CALN1: variants seen among roughly 807,000 people sequenced by gnomAD.
The protein encoded by CALN1 is calcium-binding protein 8.
In CALN1, 17 loss-of-function variants were observed where a neutral mutation model predicts 30.6. That is an observed-to-expected ratio of 0.56 (90% confidence interval 0.38 to 0.83). The LOEUF (loss-of-function observed/expected upper bound fraction) is 0.83, where lower values mean the gene tolerates loss of function less well. Ranked by LOEUF, CALN1 falls within the 40% of genes least tolerant of loss-of-function variation. The probability of loss-of-function intolerance (pLI) is 0.00; values close to 1 mark genes in which losing one functional copy is unlikely to be tolerated. For synonymous variants in CALN1, 156 were observed against 131.4 expected, an observed-to-expected ratio of 1.19 and a Z score of -1.28; for missense variants, 291 against 354.9, an observed-to-expected ratio of 0.82 and a Z score of 1.45.
intron 2 of CALN1, among the ~76,000 whole-genome samples, chr7:72,339,735 T>G (rs1802294690): frequency 6.6e-6 from 1 of 152,120 alleles, no homozygotes; most frequent in Non-Finnish European, 1.5e-5. Flanking sequence ...CAAAGGCACA[T>G]CTTACATGGC....
chr7:72,402,726 A>G (rs912327075), intron 2 of CALN1, among the ~76,000 whole-genome samples: 3 of 152,212 alleles, frequency 2.0e-5, no homozygotes, highest in Non-Finnish European at 2.9e-5. Flanking sequence ...GACCAGAGAC[A>G]GACAGGGTAG....
intron 5 of CALN1, among the ~76,000 whole-genome samples, chr7:71,829,651 C>T (rs1265654442): frequency 6.6e-6 from 1 of 152,136 alleles, no homozygotes; most frequent in Non-Finnish European, 1.5e-5. Flanking sequence ...TTGCCTGGGT[C>T]GGGCCCTGAG....
chr7:72,382,746 T>C (rs1168489770), intron 2 of CALN1, among the ~76,000 whole-genome samples: 1 of 152,158 alleles, frequency 6.6e-6, no homozygotes, highest in Non-Finnish European at 1.5e-5. Context: ...TAGTTCAACC[T>C]AGCATGATAG....
chr7:72,387,626 G>A (rs1805315167), intron 2 of CALN1, among the ~76,000 whole-genome samples: 1 of 152,140 alleles, frequency 6.6e-6, no homozygotes, highest in Non-Finnish European at 1.5e-5. Context: ...GTCTAATCAT[G>A]AGAAAACCGT....
intron 3 of CALN1, among the ~76,000 whole-genome samples, chr7:72,134,547 AGT>A (rs1394149448): frequency 9.2e-5 from 14 of 152,342 alleles, no homozygotes; most frequent in African/African-American, 3.4e-4. Context: ...TTGTCTATTA[AGT>A]GTGCAGTAGC....
intron 3 of CALN1, among the ~76,000 whole-genome samples, chr7:72,170,606 A>G (rs889030131): frequency 8.5e-5 from 13 of 152,238 alleles, no homozygotes; most frequent in African/African-American, 3.1e-4. Flanking sequence ...AGGCACGCAC[A>G]TAAAGAGAGT....
intron 3 of CALN1, among the ~76,000 whole-genome samples, chr7:72,182,195 C>A (rs1009354459): frequency 3.9e-5 from 6 of 152,060 alleles, no homozygotes; most frequent in African/African-American, 1.4e-4. Flanking sequence ...AGGGAGCAGA[C>A]GCAGCTGGAT....
At chr7:72,187,665 G>A (rs1480929050) in intron 3 of CALN1, among the ~76,000 whole-genome samples, 1 of 152,162 alleles carries the variant, frequency 6.6e-6, no homozygotes, top group Non-Finnish European at 1.5e-5. Flanking sequence ...CTGCCAAAAG[G>A]GTTGGAGACT....
intron 3 of CALN1, among the ~76,000 whole-genome samples, chr7:72,225,159 C>T (rs1326949382): frequency 6.6e-6 from 1 of 151,854 alleles, no homozygotes; most frequent in Non-Finnish European, 1.5e-5. Context: ...CTCATAGGCC[C>T]AATGTGGTGC....
In CALN1 at chr7:71,949,037, T is replaced by G. The variant is rs567187228; in HGVS notation, c.501+74620A>C. Among the ~76,000 whole-genome samples, 12 of 107,514 alleles carry G rather than the reference T, an allele frequency of 1.1e-4. No homozygotes were observed. The South Asian group carries it at 4.6e-3, about 41-fold the overall frequency. The allele number at this position is 107,514 out of a possible 152,430, so 70.5% of individuals were successfully genotyped here. A position where few individuals can be genotyped will look rare whatever the true frequency, so the allele number is the denominator to read the frequency against. Reference sequence around the variant, plus strand: ...CAGCCTGAGTCACACAGCAAGACTCTGTCTCTTAAAAAAAAAAAAAAAAAA... The same window carrying G: ...CAGCCTGAGTCACACAGCAAGACTCGGTCTCTTAAAAAAAAAAAAAAAAAA... On this transcript the variant is annotated intron_variant, in intron 5 of 6. Transcript: ENST00000395275.
chr7:71,813,478 T>G (rs1016208219), intron 5 of CALN1, among the ~76,000 whole-genome samples: 2 of 152,240 alleles, frequency 1.3e-5, no homozygotes, highest in African/African-American at 4.8e-5. Flanking sequence ...AGCCTGTTAT[T>G]AAGTTTAGAG....
intron 3 of CALN1, among the ~76,000 whole-genome samples, chr7:72,251,919 TCAC>T (rs367894736): frequency 6.6e-6 from 1 of 152,262 alleles, no homozygotes; most frequent in African/African-American, 2.4e-5. Flanking sequence ...TACACACATC[TCAC>T]AATAGGAAGT....
At chr7:72,156,189 C>T (rs1787665399) in intron 3 of CALN1, among the ~76,000 whole-genome samples, 2 of 152,056 alleles carry the variant, frequency 1.3e-5, no homozygotes, top group African/African-American at 4.8e-5. Flanking sequence ...CCTGGAAGGC[C>T]ATCAGGGTCC....
intron 3 of CALN1, among the ~76,000 whole-genome samples, chr7:72,122,700 T>C (rs923715985): frequency 6.6e-6 from 1 of 152,188 alleles, no homozygotes; most frequent in Admixed American, 6.5e-5. Flanking sequence ...CACTCCAGCC[T>C]GGATGACAGA....
Position 71,824,434 on chromosome 7 carries a change from CA to C in CALN1, c.502-13943del, listed in dbSNP as rs367672547. Among the ~76,000 whole-genome samples the C allele has an allele frequency of 2.7e-4, 41 of 152,182 alleles. 1 individual carries two copies. In the South Asian group the frequency reaches 8.3e-3, roughly 31 times the overall value. On this transcript the variant is annotated intron_variant, in intron 5 of 6. Transcript: ENST00000395275. ...TGTTTTCCTGCTGTGAAAGGAACCT[CA>C]GGGGTGCCTGAGTCCCCAGTGAAGT...
intron 5 of CALN1, among the ~76,000 whole-genome samples, chr7:71,891,199 G>A (rs564249799): frequency 6.6e-6 from 1 of 151,884 alleles, no homozygotes; most frequent in Non-Finnish European, 1.5e-5. Context: ...AGTTTGTTTC[G>A]ATTTTTATTG....
intron 2 of CALN1, among the ~76,000 whole-genome samples, chr7:72,289,356 T>C (rs2129554754): frequency 6.6e-6 from 1 of 152,344 alleles, no homozygotes. Context: ...GGGAGGCCAA[T>C]AACTATTTTC....
chr7:72,045,996 CAAAAAAAA>C (rs34011098), intron 4 of CALN1, among the ~76,000 whole-genome samples: 1 of 90,756 alleles, frequency 1.1e-5, no homozygotes, highest in Non-Finnish European at 2.2e-5. Flanking sequence ...GACTCCCTCT[CAAAAAAAA>C]AAAAAAAAAA....
chr7:72,051,329 C>T (rs777210506), intron 4 of CALN1, among the ~76,000 whole-genome samples: 7 of 152,098 alleles, frequency 4.6e-5, no homozygotes, highest in Non-Finnish European at 8.8e-5. Flanking sequence ...AAATACTGTA[C>T]TTTGTATAAC....
Sources: gnomAD v4.1 joint callset for allele counts (sites outside exome capture counted in the v4.1 genomes callset) on GRCh38, gnomAD v4.1.1 for gene constraint, MANE v1.5 for transcripts, NCBI Gene and HGNC (gene_info 2026-07-23, HGNC 2026-07-21) for gene names.